BBX: variants seen among roughly 807,000 people sequenced by gnomAD.
BBX encodes the protein BBX high mobility group box domain containing, also known as HMG box transcription factor BBX.
In BBX, 30 loss-of-function variants were observed where a neutral mutation model predicts 100.2. That is an observed-to-expected ratio of 0.30 (90% confidence interval 0.22 to 0.41). The LOEUF (loss-of-function observed/expected upper bound fraction) is 0.41, where lower values mean the gene tolerates loss of function less well. Among genes scored for constraint, BBX ranks in the 10% least tolerant of loss-of-function variants. The pLI is 1.00. For synonymous variants in BBX, 376 were observed against 388.1 expected (o/e 0.97, Z 0.37); for missense variants, 1,023 against 1,129.8 (o/e 0.91, Z 1.35).
chr3:107,574,113 G>GT (rs1453943105), intron 2 of BBX, among the ~76,000 whole-genome samples: 1 of 152,188 alleles, frequency 6.6e-6, no homozygotes, highest in Non-Finnish European at 1.5e-5. Flanking sequence ...AGTAAAAATA[G>GT]TTTAACAGCT....
intron 1 of BBX, among the ~76,000 whole-genome samples, chr3:107,525,812 G>GT (rs1207420892): frequency 6.6e-6 from 1 of 152,160 alleles, no homozygotes; most frequent in Non-Finnish European, 1.5e-5. Flanking sequence ...CGGGCTGGGT[G>GT]TTTGGGAGAC....
chr3:107,675,124 T>G (rs2059216048), intron 3 of BBX, among the ~76,000 whole-genome samples: 1 of 152,164 alleles, frequency 6.6e-6, no homozygotes, highest in Non-Finnish European at 1.5e-5. Context: ...TCAACTGCCA[T>G]TAATCTGATA....
intron 2 of BBX, among the ~76,000 whole-genome samples, chr3:107,539,111 A>G (rs1360050157): frequency 6.6e-6 from 1 of 152,118 alleles, no homozygotes; most frequent in Non-Finnish European, 1.5e-5. Context: ...TAGTAAAGCA[A>G]TAATGTTGCT....
chr3:107,629,438 G>C (rs1046293418), intron 2 of BBX, among the ~76,000 whole-genome samples: 1 of 152,174 alleles, frequency 6.6e-6, no homozygotes, highest in Admixed American at 6.5e-5. Flanking sequence ...TGCACATGAT[G>C]TTGAGCACCA....
At chr3:107,646,621 G>T (rs527604204) in intron 3 of BBX, among the ~76,000 whole-genome samples, 2 of 152,220 alleles carry the variant, frequency 1.3e-5, no homozygotes, top group African/African-American at 4.8e-5. Context: ...GGAATCAGAT[G>T]TGGGATTGCT....
chr3:107,671,853 A>G (rs1387273401), intron 3 of BBX, among the ~76,000 whole-genome samples: 1 of 152,074 alleles, frequency 6.6e-6, no homozygotes, highest in Non-Finnish European at 1.5e-5. Context: ...GACCACACGA[A>G]TGCAGCCTAG....
intron 15 of BBX, among the ~76,000 whole-genome samples, chr3:107,794,052 C>T (rs1473043433): frequency 6.6e-6 from 1 of 152,126 alleles, no homozygotes; most frequent in African/African-American, 2.4e-5. Context: ...ACCAAGAACA[C>T]TACCTCCTAC....
chr3:107,576,340 G>A (rs1196090885), intron 2 of BBX, among the ~76,000 whole-genome samples: 1 of 152,122 alleles, frequency 6.6e-6, no homozygotes, highest in Non-Finnish European at 1.5e-5. Context: ...GCACAAATGT[G>A]ATTTTTTCAA....
chr3:107,655,936 G>A (rs1321778538), intron 3 of BBX, among the ~76,000 whole-genome samples: 2 of 151,988 alleles, frequency 1.3e-5, no homozygotes, highest in South Asian at 2.1e-4. Flanking sequence ...TCCTGACCTC[G>A]TGATCCGCCC....
At chr3:107,772,525 G>A (rs572994463) in intron 10 of BBX, 103 bp from the exon 11 acceptor site, 1 of 1,239,446 alleles carries the variant, frequency 8.1e-7, no homozygotes, top group South Asian at 1.7e-5. Flanking sequence ...TTTAAAGTGT[G>A]TTTTGATTAT....
chr3:107,736,190 A>G (rs17206555), intron 7 of BBX, among the ~76,000 whole-genome samples: 2,529 of 152,136 alleles, frequency 0.017, 32 homozygotes, highest in South Asian at 0.056. Context: ...GAGACCCTGT[A>G]AAATAGAAGT....
intron 17 of BBX, among the ~76,000 whole-genome samples, chr3:107,801,730 C>T (rs1167348821): frequency 6.6e-6 from 1 of 152,126 alleles, no homozygotes; most frequent in Non-Finnish European, 1.5e-5. Flanking sequence ...GTAACTCTAG[C>T]ATCCCAGTGC....
At chr3:107,735,729 T>TA (rs1405407152) in intron 7 of BBX, among the ~76,000 whole-genome samples, 16 of 152,112 alleles carry the variant, frequency 1.1e-4, no homozygotes, top group Non-Finnish European at 1.8e-4. Flanking sequence ...GAAATGCACT[T>TA]AGAGTTTTTA....
In BBX at chr3:107,805,487, T is replaced by C. The variant is rs757978077; in HGVS notation, c.*30T>C. On this transcript the variant is annotated 3_prime_UTR_variant, in exon 18 of 18. Transcript: ENST00000325805. The stretch of plus-strand genomic sequence containing the variant: ...CCCTTTCATTGTAAAACATTGTGCT[T>C]TACCTACTACCCTAGCCTTGTCTTT... 6.2e-7 allele frequency: 1 copy of C among 1,614,108 alleles called. No individual in the cohort carries two copies. Among genetic ancestry groups the C allele is most frequent in the Non-Finnish European group, 8.5e-7 (1 of 1,179,948 alleles).
intron 5 of BBX, among the ~76,000 whole-genome samples, chr3:107,723,308 G>GTCTA (rs1374135444): frequency 1.3e-5 from 2 of 151,912 alleles, no homozygotes; most frequent in Non-Finnish European, 2.9e-5. Context: ...CAGTTGGTAA[G>GTCTA]TCTATCTTTT....
intron 3 of BBX, among the ~76,000 whole-genome samples, chr3:107,694,424 A>G (rs1385161543): frequency 2.0e-5 from 3 of 146,382 alleles, no homozygotes; most frequent in Non-Finnish European, 3.0e-5. Flanking sequence ...AATTTTGTCA[A>G]AGGCCTTTTC....
At chr3:107,635,284 G>A (rs759167093) in intron 2 of BBX, among the ~76,000 whole-genome samples, 34 of 152,130 alleles carry the variant, frequency 2.2e-4, no homozygotes, top group Non-Finnish European at 4.0e-4. Context: ...GCGAAACACT[G>A]TATTCCAAAT....
chr3:107,765,559 G>T (rs1448255771), intron 10 of BBX, among the ~76,000 whole-genome samples: 1 of 152,056 alleles, frequency 6.6e-6, no homozygotes, highest in African/African-American at 2.4e-5. Flanking sequence ...CGATCCTCTT[G>T]CCTCAGCCTC....
At chr3:107,733,438 C>T (rs974868882) in intron 7 of BBX, among the ~76,000 whole-genome samples, 1 of 152,112 alleles carries the variant, frequency 6.6e-6, no homozygotes, top group African/African-American at 2.4e-5. Context: ...CTGAATAATT[C>T]CAAACAGCTG....
Sources: allele counts gnomAD v4.1 joint callset (sites outside exome capture counted in the v4.1 genomes callset), GRCh38; gene constraint gnomAD v4.1.1; transcripts MANE v1.5; gene names NCBI Gene and HGNC (gene_info 2026-07-23, HGNC 2026-07-21).